Variants in ASXL3 observed in about 807,000 individuals in gnomAD.
ASXL3 encodes ASXL transcriptional regulator 3.
A neutral mutation model predicts 170.6 loss-of-function variants in ASXL3; 34 were observed. The ratio of observed to expected loss-of-function variants is 0.20; its 90% CI spans 0.15 to 0.27. ASXL3 has a LOEUF of 0.27. ASXL3 is among the 10% of genes least tolerant of loss of function. The pLI, the probability that ASXL3 is intolerant of heterozygous loss-of-function variation, is 1.00. For missense variants in ASXL3, 2,592 were observed against 2,695.3 expected, an observed-to-expected ratio of 0.96 and a Z score of 0.85; for synonymous variants, 1,002 against 989.1, an observed-to-expected ratio of 1.01 and a Z score of -0.24.
chr18:33,674,137 A>G (rs1568319827), intron 7 of ASXL3, among the ~76,000 whole-genome samples: 1 of 152,236 alleles, frequency 6.6e-6, no homozygotes, highest in Non-Finnish European at 1.5e-5. Context: ...TGACACAGCT[A>G]AGTGATACAA....
chr18:33,722,149 G>A (rs942086015), intron 8 of ASXL3, among the ~76,000 whole-genome samples: 1 of 151,936 alleles, frequency 6.6e-6, no homozygotes, highest in African/African-American at 2.4e-5. Flanking sequence ...TATTTCCTAA[G>A]ACAGAGCAGT....
intron 8 of ASXL3, among the ~76,000 whole-genome samples, chr18:33,707,809 A>T (rs1463490753): frequency 6.6e-6 from 1 of 152,006 alleles, no homozygotes; most frequent in Non-Finnish European, 1.5e-5. Flanking sequence ...GATATATTTT[A>T]TAGATGCTTT....
chr18:33,713,022 A>C (rs1372820522), intron 8 of ASXL3, among the ~76,000 whole-genome samples: 2 of 151,962 alleles, frequency 1.3e-5, no homozygotes, highest in East Asian at 3.9e-4. Flanking sequence ...ATACACTAGG[A>C]GTGCACAAGT....
chr18:33,743,127 T>G lies in ASXL3; in HGVS notation c.3279T>G (p.Gly1093=). The G allele has an allele frequency of 6.2e-7, 1 of 1,613,170 alleles. No individual in the cohort carries two copies. The highest frequency in any genetic ancestry group is 8.5e-7 in the Non-Finnish European group (1 of 1,179,712). ...GAGCCATGGGAAGTCCAGGAGAGGGTGGAAAGACGAGAACTCTGGCACACA... is the reference window on the plus strand; with the variant it reads ...GAGCCATGGGAAGTCCAGGAGAGGGGGGAAAGACGAGAACTCTGGCACACA... ...VSGAMGSPGE[G]GKTRTLAHIK... is the part of the protein sequence containing the mutation. The change falls in exon 12 of 12, where the codon GGT becomes GGG. Residue 1093 remains glycine, a synonymous_variant. Transcript: ENST00000269197.
chr18:33,597,968 A>G (rs924503741), intron 1 of ASXL3, among the ~76,000 whole-genome samples: 23 of 152,162 alleles, frequency 1.5e-4, no homozygotes, highest in African/African-American at 4.8e-4. Context: ...AGCATCTTAT[A>G]TGGATTCCCA....
chr18:33,721,266 A>T (rs892305585), intron 8 of ASXL3, among the ~76,000 whole-genome samples: 1 of 152,186 alleles, frequency 6.6e-6, no homozygotes, highest in African/African-American at 2.4e-5. Flanking sequence ...TCAGGAGGAT[A>T]GTTCTCGTTC....
At chr18:33,735,565 A>G (rs2067531397) in intron 10 of ASXL3, among the ~76,000 whole-genome samples, 1 of 152,176 alleles carries the variant, frequency 6.6e-6, no homozygotes, top group South Asian at 2.1e-4. Context: ...ATCAAAATCT[A>G]GGAGTTGAGC....
At chr18:33,696,730 A>G (rs2066779249) in intron 8 of ASXL3, among the ~76,000 whole-genome samples, 1 of 152,050 alleles carries the variant, frequency 6.6e-6, no homozygotes, top group Non-Finnish European at 1.5e-5. Flanking sequence ...ATGCTCTATA[A>G]CAGCAAGATC....
At chr18:33,584,960 C>A (rs1455348762) in intron 1 of ASXL3, among the ~76,000 whole-genome samples, 1 of 150,758 alleles carries the variant, frequency 6.6e-6, no homozygotes, top group African/African-American at 2.4e-5. Context: ...TTTAAAAAAA[C>A]AATATGGGTG....
chr18:33,717,634 C>CT (rs1262712927), intron 8 of ASXL3, among the ~76,000 whole-genome samples: 1 of 152,032 alleles, frequency 6.6e-6, no homozygotes, highest in Non-Finnish European at 1.5e-5. Flanking sequence ...TCCACTGTGA[C>CT]TTGTTGGGTT....
intron 8 of ASXL3, among the ~76,000 whole-genome samples, chr18:33,720,647 A>T (rs1568347906): frequency 6.6e-6 from 1 of 152,130 alleles, no homozygotes; most frequent in South Asian, 2.1e-4. Flanking sequence ...AAGGTCCTCC[A>T]CAAGTTTGTT....
At chr18:33,650,738 C>G (rs886864233) in intron 4 of ASXL3, among the ~76,000 whole-genome samples, 1 of 152,126 alleles carries the variant, frequency 6.6e-6, no homozygotes, top group African/African-American at 2.4e-5. Context: ...TTCCTGACCT[C>G]TCCTTTGAAG....
At chr18:33,649,785 G>C (rs1025096248) in intron 4 of ASXL3, among the ~76,000 whole-genome samples, 1 of 152,100 alleles carries the variant, frequency 6.6e-6, no homozygotes, top group Non-Finnish European at 1.5e-5. Context: ...GGTGTGAAAA[G>C]GTTATTTGAT....
At chr18:33,604,476 TAAG>T (rs2065222448) in intron 1 of ASXL3, among the ~76,000 whole-genome samples, 1 of 151,960 alleles carries the variant, frequency 6.6e-6, no homozygotes, top group Non-Finnish European at 1.5e-5. Context: ...ATTAGAAACT[TAAG>T]AAGGAGTAAT....
chr18:33,699,560 C>G (rs2066834462), intron 8 of ASXL3, among the ~76,000 whole-genome samples: 1 of 152,054 alleles, frequency 6.6e-6, no homozygotes, highest in Non-Finnish European at 1.5e-5. Context: ...CACTGGTGAT[C>G]TTGACAGACA....
At chr18:33,645,089 G>A in intron 3 of ASXL3, 87 bp downstream of exon 3, 1 of 798,732 alleles carries the variant, frequency 1.3e-6, no homozygotes, top group Non-Finnish European at 1.9e-6. Flanking sequence ...GATTTGAAGA[G>A]TAGAAGAATG....
At chr18:33,697,573 G>A (rs1195170363) in intron 8 of ASXL3, among the ~76,000 whole-genome samples, 2 of 152,072 alleles carry the variant, frequency 1.3e-5, no homozygotes, top group African/African-American at 2.4e-5. Flanking sequence ...CCACGACTAA[G>A]GCGTATGATT....
chr18:33,642,589 A>C (rs1439573447), intron 2 of ASXL3, among the ~76,000 whole-genome samples: 1 of 151,946 alleles, frequency 6.6e-6, no homozygotes, highest in Non-Finnish European at 1.5e-5. Flanking sequence ...AAATTGCAAT[A>C]GTTATTGAGA....
intron 1 of ASXL3, among the ~76,000 whole-genome samples, chr18:33,581,614 A>G (rs997886456): frequency 6.6e-6 from 1 of 152,184 alleles, no homozygotes; most frequent in Non-Finnish European, 1.5e-5. Context: ...AGAAAAATAT[A>G]TGTGGAAGAA....
Sources: gnomAD v4.1 joint callset for allele counts (sites outside exome capture counted in the v4.1 genomes callset) on GRCh38, gnomAD v4.1.1 for gene constraint, MANE v1.5 for transcripts, NCBI Gene and HGNC (gene_info 2026-07-23, HGNC 2026-07-21) for gene names.